KCNAB2: variants seen among roughly 807,000 people sequenced by gnomAD.
The protein encoded by KCNAB2 is potassium voltage-gated channel subfamily A regulatory beta subunit 2.
A neutral mutation model predicts 63.6 loss-of-function variants in KCNAB2; 29 were observed. The ratio of observed to expected loss-of-function variants is 0.46; its 90% CI spans 0.34 to 0.62. KCNAB2 has a LOEUF of 0.62. Among genes scored for constraint, KCNAB2 ranks in the 20% least tolerant of loss-of-function variants. The pLI is 0.01. For synonymous variants in KCNAB2, 222 were observed against 224.2 expected, an observed-to-expected ratio of 0.99 and a Z score of 0.09; for missense variants, 359 against 563.9, an observed-to-expected ratio of 0.64 and a Z score of 3.68.
At chr1:6,000,036 C>T (rs1557916587) in intron 1 of KCNAB2, among the ~76,000 whole-genome samples, 1 of 151,678 alleles carries the variant, frequency 6.6e-6, no homozygotes, top group Non-Finnish European at 1.5e-5. Context: ...CCGTCCGTGC[C>T]CCGTCTGCAC....
intron 3 of KCNAB2, 32 bp downstream of exon 3, chr1:6,072,830 G>A (rs1192602610): frequency 1.2e-6 from 2 of 1,609,734 alleles, no homozygotes; most frequent in South Asian, 2.2e-5. Flanking sequence ...GTCCCACCAG[G>A]GAAACAGGCT....
At chr1:6,012,620 G>A (rs1429405658) in intron 1 of KCNAB2, among the ~76,000 whole-genome samples, 2 of 149,922 alleles carry the variant, frequency 1.3e-5, no homozygotes, top group Non-Finnish European at 3.0e-5. Flanking sequence ...GAAGGCGGAG[G>A]TGGTGGGTGG....
At chr1:6,063,221 C>T (rs374906973) in intron 2 of KCNAB2, among the ~76,000 whole-genome samples, 20 of 151,798 alleles carry the variant, frequency 1.3e-4, no homozygotes, top group African/African-American at 4.4e-4. Context: ...GACGGGGTTT[C>T]GCCATGTTGG....
chr1:6,075,726 A>G (rs181722441), intron 4 of KCNAB2, among the ~76,000 whole-genome samples: 60 of 152,286 alleles, frequency 3.9e-4, no homozygotes, highest in Non-Finnish European at 1.3e-4. Context: ...TCAGTTTTTT[A>G]TTACATATAT....
At chr1:6,094,561 C>G (rs1665461937) in intron 11 of KCNAB2, 76 bp downstream of exon 11, 1 of 1,233,766 alleles carries the variant, frequency 8.1e-7, no homozygotes, top group African/African-American at 1.5e-5. Flanking sequence ...CCCCAAAGCT[C>G]TGGCGGGGTC....
In KCNAB2 at chr1:6,005,432, T is replaced by A. The variant is rs1264805114; in HGVS notation, c.-53+12644T>A. Among the ~76,000 whole-genome samples, 33 of 111,620 alleles carry A rather than the reference T, an allele frequency of 3.0e-4. 6 individuals carry two copies. The highest frequency in any genetic ancestry group is 4.1e-4 in the Non-Finnish European group (22 of 54,106). The allele number at this position is 111,620 out of a possible 152,430, so 73.2% of individuals were successfully genotyped here. A position where few individuals can be genotyped will look rare whatever the true frequency, so the allele number is the denominator to read the frequency against. On this transcript the variant is annotated intron_variant, in intron 1 of 16. Transcript: ENST00000341524. ...GGGGTGGGGGTGGAGTTGTGGGTTG[T>A]GTGAGCTGAGCTGAGGGGTGAGGGT... is the stretch of plus-strand genomic sequence containing the variant.
At chr1:5,996,473 G>C (rs910383257) in intron 1 of KCNAB2, among the ~76,000 whole-genome samples, 1 of 152,200 alleles carries the variant, frequency 6.6e-6, no homozygotes, top group African/African-American at 2.4e-5. Flanking sequence ...GTCTCAGGAG[G>C]CTACTCCCTG....
chr1:6,009,371 GA>G (rs1384622097), intron 1 of KCNAB2, among the ~76,000 whole-genome samples: 1 of 152,232 alleles, frequency 6.6e-6, no homozygotes, highest in Non-Finnish European at 1.5e-5. Context: ...CTAACGGGTG[GA>G]GGGGGCCCGG....
At chr1:6,095,492 G>T in intron 12 of KCNAB2, 38 bp from the exon 13 acceptor site, 3 of 1,427,150 alleles carry the variant, frequency 2.1e-6, no homozygotes, top group Non-Finnish European at 2.9e-6. Flanking sequence ...CCCTGCTCTC[G>T]GGCCCAGGGC....
rs1657379172 is a variant in KCNAB2 at position 6,003,470 on chromosome 1, G to T, written c.-53+10682G>T. 6.6e-6 allele frequency among the ~76,000 whole-genome samples: 1 copy of T among 152,206 alleles called. No individual in the cohort carries two copies. The highest frequency in any genetic ancestry group is 6.5e-5 in the Admixed American group (1 of 15,282). ...CTTCTCCACTCTTAGCGCGAGCCCT[G>T]CCCCAGCCAGGAGCACTCACTGAGT... On this transcript the variant is annotated intron_variant, in intron 1 of 16. Coordinates refer to the KCNAB2 transcript ENST00000341524. This position sits in a 1 kb window ranked among gnomAD's most constrained non-coding sequence, Gnocchi z 4.1.
chr1:6,013,139 G>A (rs1658290108), intron 1 of KCNAB2, among the ~76,000 whole-genome samples: 1 of 152,132 alleles, frequency 6.6e-6, no homozygotes. Context: ...TGCTTGTTCA[G>A]AGCGGGCTGA....
chr1:6,008,150 G>T (rs991969209), intron 1 of KCNAB2, among the ~76,000 whole-genome samples: 3 of 152,170 alleles, frequency 2.0e-5, no homozygotes, highest in Non-Finnish European at 4.4e-5. Flanking sequence ...TCTCCATGTT[G>T]CGAAGGGCAG....
chr1:6,031,148 G>A (rs1224554171), upstream of KCNAB2, among the ~76,000 whole-genome samples: 2 of 152,114 alleles, frequency 1.3e-5, no homozygotes, highest in African/African-American at 2.4e-5. The surrounding 1 kb of genome is among the most constrained non-coding windows in gnomAD (Gnocchi z 4.1). Flanking sequence ...CTATTATTTT[G>A]TGTCTCTGTC....
At chr1:6,008,095 G>C (rs1487471727) in intron 1 of KCNAB2, among the ~76,000 whole-genome samples, 2 of 152,192 alleles carry the variant, frequency 1.3e-5, no homozygotes, top group Admixed American at 6.5e-5. Flanking sequence ...TGCACCAATG[G>C]GGAGGCGAAC....
chr1:5,999,959 C>T (rs914925519), intron 1 of KCNAB2, among the ~76,000 whole-genome samples: 3 of 150,532 alleles, frequency 2.0e-5, no homozygotes, highest in Non-Finnish European at 4.4e-5. Flanking sequence ...GTGCCCCGTC[C>T]GCACCCTGCC....
chr1:6,079,781 TG>T (rs1664041590), intron 4 of KCNAB2, among the ~76,000 whole-genome samples: 2 of 152,144 alleles, frequency 1.3e-5, no homozygotes, highest in Non-Finnish European at 2.9e-5. Context: ...GACAGGGAGA[TG>T]GATGGTGGTG....
rs1052678775 is a variant in KCNAB2, at chr1:6,003,514, C to T, written c.-53+10726C>T. ...ACTGAGTGGCCACATTATACCCTCC[C>T]GTTTGTCTATAGTTCACTTAAACAT... On this transcript the variant is annotated intron_variant, in intron 1 of 16. Coordinates refer to the KCNAB2 transcript ENST00000341524. This position sits in a 1 kb window ranked among gnomAD's most constrained non-coding sequence, Gnocchi z 4.1. 6.6e-5 allele frequency among the ~76,000 whole-genome samples: 10 copies of T among 152,228 alleles called. No homozygotes were observed. The highest frequency in any genetic ancestry group is 1.9e-4 in the African/African-American group (8 of 41,454).
At chr1:5,993,346 G>T (rs1656674971) in intron 1 of KCNAB2, among the ~76,000 whole-genome samples, 2 of 141,334 alleles carry the variant, frequency 1.4e-5, no homozygotes, top group Admixed American at 7.1e-5. Flanking sequence ...CCGCGGGCAC[G>T]CTCTCACCAC....
chr1:6,058,123 T>G (rs1285321049), intron 2 of KCNAB2, among the ~76,000 whole-genome samples: 1 of 152,182 alleles, frequency 6.6e-6, no homozygotes, highest in East Asian at 1.9e-4. Flanking sequence ...CACTCCAGCC[T>G]GGGTGACAGA....
Sources: allele counts gnomAD v4.1 joint callset (sites outside exome capture counted in the v4.1 genomes callset), GRCh38; gene constraint gnomAD v4.1.1; non-coding constraint Gnocchi (gnomAD v3.1); transcripts MANE v1.5; gene names NCBI Gene and HGNC (gene_info 2026-07-23, HGNC 2026-07-21).